The following COLEC10 variants were observed in gnomAD, a reference collection of about 807,000 sequenced individuals.
COLEC10 encodes collectin subfamily member 10.
COLEC10 carries 22 observed loss-of-function variants against 28.4 expected under a neutral mutation model. That is an observed-to-expected ratio of 0.78 (90% confidence interval 0.55 to 1.11). The LOEUF is 1.11. Ranked by LOEUF, COLEC10 falls within the 50% of genes least tolerant of loss-of-function variation. The probability of loss-of-function intolerance (pLI) is 0.00; values close to 1 mark genes in which losing one functional copy is unlikely to be tolerated. For missense variants in COLEC10, 361 were observed against 344.1 expected, an observed-to-expected ratio of 1.05 and a Z score of -0.39; for synonymous variants, 125 against 116.1, an observed-to-expected ratio of 1.08 and a Z score of -0.49.
the COLEC10 span, among the ~76,000 whole-genome samples, chr8:118,980,717 T>C: frequency 6.6e-6 from 1 of 152,070 alleles, no homozygotes; most frequent in Non-Finnish European, 1.5e-5. Flanking sequence ...ATGAAATCTT[T>C]ATTTATGGTA....
rs1814789296 is a variant in COLEC10, at chr8:119,057,756, T to C, written n.236-31924T>C. On this transcript the variant is annotated intron_variant and non_coding_transcript_variant, in intron 2 of 6. Transcript: ENST00000521788. The stretch of plus-strand genomic sequence containing the variant: ...TTCCCATCATTATATGCCTATACAA[T>C]TATTCATTCTAATTCATCCAATATT... 2.0e-5 allele frequency among the ~76,000 whole-genome samples: 3 copies of C among 152,216 alleles called. No homozygotes were observed. In the South Asian group the frequency reaches 6.2e-4, roughly 32 times the overall value.
intron 3 of COLEC10, among the ~76,000 whole-genome samples, chr8:119,091,573 AAGAG>A (rs765113777): frequency 1.2e-3 from 175 of 140,650 alleles, no homozygotes; most frequent in South Asian, 6.6e-3. Flanking sequence ...GAAAGAAAGA[AAGAG>A]AGAGAGAGAG....
chr8:119,042,500 G>A (rs372199402), intron 2 of COLEC10, among the ~76,000 whole-genome samples: 2 of 152,114 alleles, frequency 1.3e-5, no homozygotes, highest in Admixed American at 6.5e-5. Context: ...TCGAATGCTC[G>A]TGCTGCCACT....
chr8:118,988,489 G>A, the COLEC10 span, among the ~76,000 whole-genome samples: 1 of 152,100 alleles, frequency 6.6e-6, no homozygotes, highest in African/African-American at 2.4e-5. Context: ...ATCAACAGGA[G>A]TTAAGGCTTC....
chr8:119,091,218 A>C lies in COLEC10; in HGVS notation c.290A>C (p.Lys97Thr). The change falls in exon 3 of 6, where the codon AAG becomes ACG. Residue 97 changes from lysine (K) to threonine (T), a missense_variant and splice_region_variant. Around this residue, in one of 3 missense-constraint regions of COLEC10, gnomAD observed 335 missense variants for 308.5 expected, o/e 1.09. Transcript: ENST00000332843. ...GGCAAGACTGGGCCCATTGGGAAGAAGGGTAAGTTGCATCTTACTATTCTC... is the reference window on the plus strand; with the variant it reads ...GGCAAGACTGGGCCCATTGGGAAGACGGGTAAGTTGCATCTTACTATTCTC... ...NIGKTGPIGK[K>T]GDKGEKGLLG... is the part of the protein sequence containing the mutation. The C allele has an allele frequency of 6.2e-7, 1 of 1,611,328 alleles. No individual in the cohort carries two copies. The highest frequency in any genetic ancestry group is 8.5e-7 in the Non-Finnish European group (1 of 1,178,018).
At chr8:118,973,845 A>G in the COLEC10 span, among the ~76,000 whole-genome samples, 1 of 151,966 alleles carries the variant, frequency 6.6e-6, no homozygotes, top group Non-Finnish European at 1.5e-5. Context: ...GCTATTACAT[A>G]TTTAACTCAC....
chr8:118,974,230 G>A, the COLEC10 span, among the ~76,000 whole-genome samples: 2 of 151,272 alleles, frequency 1.3e-5, no homozygotes, highest in Non-Finnish European at 2.9e-5. Context: ...AATTGTCTGG[G>A]TTTTCTTTCA....
rs200159669 is a variant in COLEC10, at chr8:119,105,956, C to T, written c.599C>T (p.Ala200Val). 3.1e-6 allele frequency: 5 copies of T among 1,613,712 alleles called. No homozygotes were observed. The highest frequency in any genetic ancestry group is 4.2e-6 in the Non-Finnish European group (5 of 1,179,890). Reference sequence around the variant, plus strand: ...AACACACTCATCGCTGACTATGTTGCCAAGAGTGGCTTCTTTCGGGTGTTC... The same window carrying T: ...AACACACTCATCGCTGACTATGTTGTCAAGAGTGGCTTCTTTCGGGTGTTC... Reference protein sequence around the residue: ...AANTLIADYVAKSGFFRVFIG... With the variant: ...AANTLIADYVVKSGFFRVFIG... Residue 200 changes from alanine to valine, a missense_variant, in exon 6 of 6, where the codon GCC (alanine) becomes GTC (valine). By Grantham distance (64) the Ala-to-Val change is moderately conservative. Coordinates refer to ENST00000332843, the MANE Select transcript of COLEC10 (RefSeq NM_006438.5).
chr8:119,043,085 A>G (rs1587014952), intron 2 of COLEC10, among the ~76,000 whole-genome samples: 1 of 152,184 alleles, frequency 6.6e-6, no homozygotes, highest in Non-Finnish European at 1.5e-5. Context: ...ACCACCCCAA[A>G]TTGTGCCTGT....
chr8:119,019,110 G>A (rs1326120244), intron 2 of COLEC10, among the ~76,000 whole-genome samples: 1 of 152,198 alleles, frequency 6.6e-6, no homozygotes, highest in East Asian at 1.9e-4. Flanking sequence ...TGTTTAGCAT[G>A]TTGTATGTGT....
the COLEC10 span, among the ~76,000 whole-genome samples, chr8:118,961,641 C>G: frequency 1.3e-5 from 2 of 152,192 alleles, no homozygotes; most frequent in African/African-American, 4.8e-5. Context: ...GCCAGAGGAG[C>G]AGGGAGAGTC....
intron 2 of COLEC10, among the ~76,000 whole-genome samples, chr8:119,032,844 G>C (rs1336925792): frequency 6.6e-6 from 1 of 152,254 alleles, no homozygotes; most frequent in Non-Finnish European, 1.5e-5. Flanking sequence ...GGAGCTTGCA[G>C]TGAGCTGAGA....
chr8:119,045,131 T>C (rs1179664779), intron 2 of COLEC10, among the ~76,000 whole-genome samples: 1 of 152,226 alleles, frequency 6.6e-6, no homozygotes. Context: ...CTCAGAAATT[T>C]CAGAAGGGAT....
chr8:119,005,766 G>A (rs1282398173), intron 1 of COLEC10, among the ~76,000 whole-genome samples: 1 of 152,086 alleles, frequency 6.6e-6, no homozygotes, highest in Non-Finnish European at 1.5e-5. Flanking sequence ...GTGGAAATTT[G>A]GTGGTGATAA....
intron 2 of COLEC10, among the ~76,000 whole-genome samples, chr8:119,034,532 G>C (rs924297666): frequency 6.6e-6 from 1 of 152,018 alleles, no homozygotes; most frequent in African/African-American, 2.4e-5. Context: ...CCAAGATAGT[G>C]AAACCTCATC....
chr8:119,069,629 A>AAATAT (rs1554627284), intron 1 of COLEC10, among the ~76,000 whole-genome samples: 1 of 42,876 alleles, frequency 2.3e-5, no homozygotes, highest in Non-Finnish European at 4.4e-5. Flanking sequence ...AAAAAAAAAA[A>AAATAT]ATATATATAT....
intron 2 of COLEC10, among the ~76,000 whole-genome samples, chr8:119,010,938 G>A (rs1563716049): frequency 6.6e-6 from 1 of 150,922 alleles, no homozygotes; most frequent in Non-Finnish European, 1.5e-5. Flanking sequence ...CTCTCAGTGT[G>A]TGATTCTCTT....
intron 3 of COLEC10, among the ~76,000 whole-genome samples, chr8:119,101,898 G>T (rs1351724929): frequency 6.6e-6 from 1 of 152,054 alleles, no homozygotes; most frequent in African/African-American, 2.4e-5. Flanking sequence ...CTAACAAATT[G>T]ATCGAGATTC....
chr8:118,974,594 G>A, the COLEC10 span, among the ~76,000 whole-genome samples: 1 of 152,056 alleles, frequency 6.6e-6, no homozygotes, highest in South Asian at 2.1e-4. Context: ...TGGCATGAGG[G>A]TTTTGATGAC....
Sources: gnomAD v4.1 joint callset for allele counts (sites outside exome capture counted in the v4.1 genomes callset) on GRCh38, gnomAD v4.1.1 for gene constraint, gnomAD v4.1.1 regional missense constraint, MANE v1.5 for transcripts, NCBI Gene and HGNC (gene_info 2026-07-23, HGNC 2026-07-21) for gene names.